The following KDM2B variants were observed in gnomAD, a reference collection of about 807,000 sequenced individuals.
The protein encoded by KDM2B is lysine demethylase 2B, also known as lysine-specific demethylase 2B.
In KDM2B, 26 loss-of-function variants were observed where a neutral mutation model predicts 150.0. That is an observed-to-expected ratio of 0.17 (90% confidence interval 0.13 to 0.24). The LOEUF is 0.24. KDM2B is among the 10% of genes least tolerant of loss of function. The probability of loss-of-function intolerance (pLI) is 1.00; values close to 1 mark genes in which losing one functional copy is unlikely to be tolerated. For synonymous variants in KDM2B, 734 were observed against 729.5 expected, an observed-to-expected ratio of 1.01 and a Z score of -0.10; for missense variants, 1,265 against 1,816.9, an observed-to-expected ratio of 0.70 and a Z score of 5.52.
intron 22 of KDM2B, among the ~76,000 whole-genome samples, chr12:121,432,047 ATTT>A (rs1275289466): frequency 6.6e-6 from 1 of 151,462 alleles, no homozygotes; most frequent in Non-Finnish European, 1.5e-5. Flanking sequence ...CGCCTGGCTA[ATTT>A]TTTTAATTTT....
intron 12 of KDM2B, among the ~76,000 whole-genome samples, chr12:121,474,818 G>A (rs1555296470): frequency 6.6e-6 from 1 of 152,126 alleles, no homozygotes; most frequent in East Asian, 1.9e-4. Flanking sequence ...TGGGCGTGGT[G>A]GTGCACATCT....
In KDM2B at chr12:121,439,966, G is replaced by C; in HGVS notation, c.3720C>G (p.Leu1240=). ...TACAGTAACTGAGGTGGAGCTTGGA[G>C]AGCAGGGGCATGTGGCGGATGATGA... The part of the protein sequence containing the change: ...LRLIIRHMPL[L]SKLHLSYCNH... Residue 1240 remains leucine (L), a synonymous_variant, in exon 22 of 23, where the codon CTC becomes CTG. Coordinates refer to ENST00000377071, the MANE Select transcript of KDM2B (RefSeq NM_032590.5). 1 of 1,614,220 alleles carries C rather than the reference G, an allele frequency of 6.2e-7. No individual in the cohort carries two copies.
In KDM2B at chr12:121,509,736, G is replaced by A. The variant is rs782646004; in HGVS notation, c.1478C>T (p.Thr493Ile). The change falls in exon 11 of 23, where the codon ACC (threonine) becomes ATC (isoleucine). Residue 493 changes from threonine (T) to isoleucine (I), a missense_variant. Coordinates refer to ENST00000377071, the MANE Select transcript of KDM2B (RefSeq NM_032590.5). The stretch of plus-strand genomic sequence containing the variant: ...CTCCGTGGCGGGAGAGCCGGTGGGG[G>A]TCTTGGGGTAGTCTACGGCCAATGT... ...STTLAVDYPK[T>I]PTGSPATEVS... 1.2e-6 allele frequency: 2 copies of A among 1,614,164 alleles called. No homozygotes were observed. The highest frequency in any genetic ancestry group is 1.7e-5 in the Admixed American group (1 of 60,028).
chr12:121,504,856 C>T (rs1555302672), intron 11 of KDM2B, among the ~76,000 whole-genome samples: 1 of 152,068 alleles, frequency 6.6e-6, no homozygotes. Context: ...GTGGCTCACG[C>T]CTGTAATCCC....
intron 1 of KDM2B, 146 bp from the exon 2 acceptor site, chr12:121,579,092 A>T (rs1366318646): frequency 4.7e-6 from 4 of 853,848 alleles, no homozygotes; most frequent in Non-Finnish European, 7.2e-6. Context: ...CGCAATTGCC[A>T]AAGATGCTGA....
intron 6 of KDM2B, among the ~76,000 whole-genome samples, chr12:121,538,290 G>C (rs1048993646): frequency 1.8e-4 from 27 of 152,022 alleles, no homozygotes; most frequent in African/African-American, 6.5e-4. Flanking sequence ...TTCCATAGCA[G>C]GTGACGGCCA....
rs1872781440 is a variant in KDM2B, at chr12:121,430,235, TAA to T, written c.*51_*52del. Reference sequence around the variant, plus strand: ...TGGAAAATAAAAGCCCTCATTTTTGTAAAGTCTCTCCCCTCCCAGAGCCCGCC... The same window carrying T: ...TGGAAAATAAAAGCCCTCATTTTTGTAGTCTCTCCCCTCCCAGAGCCCGCC... On this transcript the variant is annotated 3_prime_UTR_variant, in exon 23 of 23. Coordinates refer to ENST00000377071, the MANE Select transcript of KDM2B (RefSeq NM_032590.5). This position sits in a 1 kb window ranked among gnomAD's most constrained non-coding sequence, Gnocchi z 4.4. 1 of 1,614,166 alleles carries T rather than the reference TAA, an allele frequency of 6.2e-7. No homozygotes were observed. Among genetic ancestry groups the T allele is most frequent in the Non-Finnish European group, 8.5e-7 (1 of 1,180,032 alleles).
rs1231794304 is a variant in KDM2B, at chr12:121,442,608, C to A, written c.2833G>T (p.Glu945Ter). ...MRRKRRLPNK[E>*]LSRELSKELN... The stretch of plus-strand genomic sequence containing the variant: ...TCCTTGCTCAGCTCCCTGCTCAGCT[C>A]CTTGTTGGGAAGCCGCCGCTTCCGG... Residue 945 changes from glutamate (E) to a stop codon, truncating the protein, a stop_gained, in exon 19 of 23, where the codon GAG becomes TAG. Coordinates refer to ENST00000377071, the MANE Select transcript of KDM2B (RefSeq NM_032590.5). LOFTEE classifies it high-confidence loss of function. The surrounding 1 kb of genome is among the most constrained non-coding windows in gnomAD (Gnocchi z 7.7). 1.9e-6 allele frequency: 3 copies of A among 1,602,550 alleles called. No individual in the cohort carries two copies. Among genetic ancestry groups the A allele is most frequent in the East Asian group, 2.2e-5 (1 of 44,826 alleles).
At chr12:121,538,091 C>T (rs1555309059) in intron 6 of KDM2B, among the ~76,000 whole-genome samples, 1 of 151,778 alleles carries the variant, frequency 6.6e-6, no homozygotes, top group Non-Finnish European at 1.5e-5. Context: ...GCCTTCCTTC[C>T]GCGGGGAGCC....
intron 22 of KDM2B, among the ~76,000 whole-genome samples, chr12:121,436,381 C>T (rs188995082): frequency 0.034 from 5,231 of 152,036 alleles, 291 homozygotes; most frequent in African/African-American, 0.12. Flanking sequence ...ATTAGCTGGG[C>T]GTGGTGGCGG....
Position 121,518,249 on chromosome 12 carries a change from A to C in KDM2B, c.1047+2736T>G, listed in dbSNP as rs559474463. Reference sequence around the variant, plus strand: ...TTCTTAAGAAAGCTCTCAGGGCTGTAAAGAATGAAGCTGTAGTGAGCTAAC... The same window carrying C: ...TTCTTAAGAAAGCTCTCAGGGCTGTCAAGAATGAAGCTGTAGTGAGCTAAC... On this transcript the variant is annotated intron_variant, in intron 9 of 22. Coordinates refer to ENST00000377071, the MANE Select transcript of KDM2B (RefSeq NM_032590.5). This position sits in a 1 kb window ranked among gnomAD's most constrained non-coding sequence, Gnocchi z 4.4. Among the ~76,000 whole-genome samples the C allele has an allele frequency of 3.3e-5, 5 of 152,228 alleles. No individual in the cohort carries two copies. The highest frequency in any genetic ancestry group is 1.3e-4 in the Admixed American group (2 of 15,280).
At chr12:121,528,736 T>C (rs1317296743) in intron 8 of KDM2B, among the ~76,000 whole-genome samples, 2 of 149,904 alleles carry the variant, frequency 1.3e-5, no homozygotes, top group Non-Finnish European at 1.5e-5. Context: ...CTACTAAAAA[T>C]ACAAAAATTA....
chr12:121,508,473 C>T (rs1885291596), intron 11 of KDM2B, among the ~76,000 whole-genome samples: 1 of 152,170 alleles, frequency 6.6e-6, no homozygotes, highest in African/African-American at 2.4e-5. Flanking sequence ...ACTACCAATC[C>T]TGAGTACTTT....
intron 12 of KDM2B, among the ~76,000 whole-genome samples, chr12:121,462,216 A>G (rs1282232562): frequency 6.6e-6 from 1 of 152,202 alleles, no homozygotes; most frequent in Admixed American, 6.5e-5. Flanking sequence ...ATCTGCAAGC[A>G]TAATGGACAG....
intron 12 of KDM2B, among the ~76,000 whole-genome samples, chr12:121,456,654 C>G (rs1301183312): frequency 6.6e-6 from 1 of 152,174 alleles, no homozygotes; most frequent in East Asian, 1.9e-4. Context: ...CTCCCTGCCC[C>G]GAGGACAGTG....
the KDM2B span, chr12:121,423,622 A>G: frequency 6.5e-7 from 1 of 1,529,756 alleles, no homozygotes; most frequent in Non-Finnish European, 9.0e-7. This position sits in a 1 kb window ranked among gnomAD's most constrained non-coding sequence, Gnocchi z 4.3. Context: ...CTTGACCCCC[A>G]ACATTTCAAT....
Position 121,509,858 on chromosome 12 carries a change from C to A in KDM2B, c.1356G>T (p.Glu452Asp). 6.2e-7 allele frequency: 1 copy of A among 1,613,992 alleles called. No individual in the cohort carries two copies. Among genetic ancestry groups the A allele is most frequent in the Non-Finnish European group, 8.5e-7 (1 of 1,180,004 alleles). Residue 452 changes from glutamate to aspartate, a missense_variant, in exon 11 of 23, where the codon GAG (glutamate) becomes GAT (aspartate). Transcript: ENST00000377071. ...GSTSPTSTPS[E>D]DQEALGKKPK... ...GCTTCTTCCCGAGGGCCTCCTGGTC[C>A]TCAGAGGGCGTGCTGGTGGGTGAAG...
chr12:121,420,676 C>G, the KDM2B span: 3 of 1,614,166 alleles, frequency 1.9e-6, no homozygotes, highest in Non-Finnish European at 2.5e-6. Context: ...GAAGGAAATT[C>G]TGGCTCGGAA....
Position 121,467,412 on chromosome 12 carries a change from CG to C in KDM2B, c.1735-14069del. 1 of 927,892 alleles carries C rather than the reference CG, an allele frequency of 1.1e-6. No individual in the cohort carries two copies. Among genetic ancestry groups the C allele is most frequent in the Non-Finnish European group, 1.3e-6 (1 of 780,242 alleles). The allele number at this position is 927,892 out of a possible 1,614,324, so 57.5% of individuals were successfully genotyped here. On this transcript the variant is annotated intron_variant, in intron 12 of 22. Coordinates refer to ENST00000377071, the MANE Select transcript of KDM2B (RefSeq NM_032590.5). The surrounding 1 kb of genome is among the most constrained non-coding windows in gnomAD (Gnocchi z 5.1). The stretch of plus-strand genomic sequence containing the variant: ...CGGGGAGGGGCCGGCGGGGGAGGGC[CG>C]GGGCGCCATGCATATGCATGAGGCG...
Sources: allele counts gnomAD v4.1 joint callset (sites outside exome capture counted in the v4.1 genomes callset), GRCh38; gene constraint gnomAD v4.1.1; non-coding constraint Gnocchi (gnomAD v3.1); transcripts MANE v1.5; gene names NCBI Gene and HGNC (gene_info 2026-07-23, HGNC 2026-07-21).